Variants in C5orf47 observed in about 807,000 individuals in gnomAD.
C5orf47 encodes chromosome 5 open reading frame 47, also known as uncharacterized protein C5orf47.
In C5orf47, 20 loss-of-function variants were observed where a neutral mutation model predicts 20.6. That is an observed-to-expected ratio of 0.97 (90% CI 0.68 to 1.41). C5orf47 has a LOEUF of 1.41. Ranked by LOEUF, C5orf47 falls within the 40% of genes most tolerant of loss-of-function variation. The pLI is 0.00. For missense variants in C5orf47, 262 were observed against 238.4 expected (o/e 1.10, Z -0.65); for synonymous variants, 106 against 97.3 (o/e 1.09, Z -0.53).
chr5:173,994,816 T>C (rs962990498), intron 1 of C5orf47, among the ~76,000 whole-genome samples: 8 of 152,192 alleles, frequency 5.3e-5, no homozygotes, highest in Admixed American at 5.2e-4. Context: ...TTAATGTTTG[T>C]TTTTGTTTTT....
chr5:174,000,519 C>A (rs1759176882), intron 3 of C5orf47, among the ~76,000 whole-genome samples: 1 of 152,084 alleles, frequency 6.6e-6, no homozygotes, highest in Non-Finnish European at 1.5e-5. Context: ...TTCTTTCCTG[C>A]ACATGCTATC....
rs1004776910 is a variant in C5orf47 at position 173,989,329 on chromosome 5, C to T, written c.66C>T (p.Gly22=). Residue 22 remains glycine, a synonymous_variant, in exon 1 of 5, where the codon GGC becomes GGT. Coordinates refer to ENST00000340147, the MANE Select transcript of C5orf47 (RefSeq NM_001144954.2). ...SARFVYVTRF[G]SHQCSGVLQL... The stretch of plus-strand genomic sequence containing the variant: ...GCTTCGTCTATGTGACGCGCTTCGG[C>T]TCGCATCAGTGCAGTGGCGTCCTGC... The T allele has an allele frequency of 6.3e-6, 9 of 1,429,696 alleles. No individual in the cohort carries two copies. Among genetic ancestry groups the T allele is most frequent in the African/African-American group, 6.0e-5 (4 of 67,134 alleles). The allele number at this position is 1,429,696 out of a possible 1,614,324, so 88.6% of individuals were successfully genotyped here.
chr5:173,994,462 A>G (rs908882556), intron 1 of C5orf47, among the ~76,000 whole-genome samples: 1 of 152,132 alleles, frequency 6.6e-6, no homozygotes, highest in Non-Finnish European at 1.5e-5. Flanking sequence ...CTCTGCCACA[A>G]AGGAGTTGGT....
chr5:173,992,811 A>G (rs909884511), intron 1 of C5orf47, among the ~76,000 whole-genome samples: 11 of 152,166 alleles, frequency 7.2e-5, no homozygotes, highest in African/African-American at 2.7e-4. Context: ...ATCAGAGAGT[A>G]TTGTTTGTGA....
At chr5:173,997,732 A>G (rs931080824) in intron 1 of C5orf47, among the ~76,000 whole-genome samples, 50 of 151,624 alleles carry the variant, frequency 3.3e-4, no homozygotes, top group African/African-American at 1.2e-3. Context: ...GTGTGTGCTG[A>G]AAGTGTTAGA....
In C5orf47 at chr5:174,005,663, A is replaced by G. The variant is rs1202554848; in HGVS notation, c.*1409A>G. The stretch of plus-strand genomic sequence containing the variant: ...GCTTATGCAACTGAAGTCCATTGCA[A>G]AATGAGACATATTTACACTGTTTAT... On this transcript the variant is annotated 3_prime_UTR_variant, in exon 5 of 5. Transcript: ENST00000340147. 1 of 152,386 alleles carries G rather than the reference A, an allele frequency of 6.6e-6. No homozygotes were observed. The highest frequency in any genetic ancestry group is 1.5e-5 in the Non-Finnish European group (1 of 68,042). The allele number at this position is 152,386 out of a possible 1,614,324, so 9.4% of individuals were successfully genotyped here.
In C5orf47 at chr5:174,005,195, C is replaced by T. The variant is rs1275606025; in HGVS notation, c.*941C>T. The stretch of plus-strand genomic sequence containing the variant: ...CAAATTCTGTGTACTCTAGTTGCTT[C>T]TTTCCCTTGGAGTGACAGGTACTTT... On this transcript the variant is annotated 3_prime_UTR_variant, in exon 5 of 5. Coordinates refer to ENST00000340147, the MANE Select transcript of C5orf47 (RefSeq NM_001144954.2). 1.3e-5 allele frequency: 2 copies of T among 152,162 alleles called. No individual in the cohort carries two copies. Among genetic ancestry groups the T allele is most frequent in the Non-Finnish European group, 2.9e-5 (2 of 68,020 alleles). 9.4% of individuals were successfully genotyped at this position (152,162 alleles called of 1,614,324 possible).
intron 1 of C5orf47, among the ~76,000 whole-genome samples, chr5:173,991,590 T>G (rs2113357692): frequency 6.6e-6 from 1 of 152,252 alleles, no homozygotes; most frequent in East Asian, 1.9e-4. Flanking sequence ...TTCTTTAGAT[T>G]TGTTTATTAA....
intron 4 of C5orf47, among the ~76,000 whole-genome samples, chr5:174,001,958 CT>C (rs375423569): frequency 3.7e-4 from 50 of 133,436 alleles, no homozygotes; most frequent in East Asian, 6.5e-4. Context: ...TTTTTTTTTT[CT>C]TTTTTTTTTT....
rs547738301 is a variant in C5orf47, at chr5:174,004,095, G to T, written c.*17-176G>T. 2.0e-5 allele frequency among the ~76,000 whole-genome samples: 3 copies of T among 152,308 alleles called. No homozygotes were observed. In the South Asian group the frequency reaches 6.2e-4, roughly 32 times the overall value. On this transcript the variant is annotated intron_variant, in intron 4 of 4. Coordinates refer to ENST00000340147, the MANE Select transcript of C5orf47 (RefSeq NM_001144954.2). ...AAAAGAAAAATATGAGTTACATATT[G>T]AGTCTGTTGGAAACTTTTTATGTTC...
downstream of C5orf47, among the ~76,000 whole-genome samples, chr5:174,006,413 A>G (rs1331517732): frequency 6.6e-6 from 1 of 152,214 alleles, no homozygotes; most frequent in Non-Finnish European, 1.5e-5. Context: ...AAGAAGCGTC[A>G]ATACTTCAAA....
At chr5:174,001,573 C>G (rs1225347493) in intron 4 of C5orf47, among the ~76,000 whole-genome samples, 4 of 151,810 alleles carry the variant, frequency 2.6e-5, no homozygotes, top group African/African-American at 7.3e-5. Context: ...TCGTTTATAC[C>G]TCTACTTAGT....
Position 173,989,272 on chromosome 5 carries a change from G to C in C5orf47, c.9G>C (p.Ala3=). ...CGTTGACTGAGGCTGCGATGGCGGC[G>C]GCAGGCCGGGGTCGGGAGCAGGACT... MA[A]AGRGREQDSA... is the part of the protein sequence containing the mutation. The change falls in exon 1 of 5, where the codon GCG becomes GCC. Residue 3 remains alanine (A), a synonymous_variant. Transcript: ENST00000340147. 7.2e-7 allele frequency: 1 copy of C among 1,381,676 alleles called. No homozygotes were observed. Among genetic ancestry groups the C allele is most frequent in the Non-Finnish European group, 9.4e-7 (1 of 1,064,486 alleles). 85.6% of individuals were successfully genotyped at this position (1,381,676 alleles called of 1,614,324 possible).
chr5:173,993,288 G>A (rs1043971233), intron 1 of C5orf47, among the ~76,000 whole-genome samples: 2 of 152,068 alleles, frequency 1.3e-5, no homozygotes, highest in Non-Finnish European at 2.9e-5. Context: ...TGAGGGTGTG[G>A]TTTTTGCTTG....
intron 1 of C5orf47, among the ~76,000 whole-genome samples, chr5:173,995,088 C>T (rs1759065416): frequency 6.6e-6 from 1 of 152,196 alleles, no homozygotes. Context: ...GCTGGGATTA[C>T]AGGCGTGAAC....
chr5:173,991,047 C>T (rs191110810), intron 1 of C5orf47, among the ~76,000 whole-genome samples: 151 of 152,330 alleles, frequency 9.9e-4, no homozygotes, highest in South Asian at 6.8e-3. Context: ...TACGCATAAG[C>T]CCAGCCCTAA....
At chr5:173,995,250 C>T (rs764613490) in intron 1 of C5orf47, among the ~76,000 whole-genome samples, 6 of 152,180 alleles carry the variant, frequency 3.9e-5, no homozygotes, top group Non-Finnish European at 7.3e-5. Flanking sequence ...ACAGATGTAT[C>T]AGACAAGTAG....
Position 174,004,570 on chromosome 5 carries a change from G to C in C5orf47, c.*316G>C, listed in dbSNP as rs931971268. ...ATTAAATTAGCATATCAATGCAATTGCATGAATTTTATAATTACCAGCTTT... is the reference window on the plus strand; with the variant it reads ...ATTAAATTAGCATATCAATGCAATTCCATGAATTTTATAATTACCAGCTTT... On this transcript the variant is annotated 3_prime_UTR_variant, in exon 5 of 5. Coordinates refer to ENST00000340147, the MANE Select transcript of C5orf47 (RefSeq NM_001144954.2). 1.3e-5 allele frequency: 2 copies of C among 152,168 alleles called. No individual in the cohort carries two copies. The highest frequency in any genetic ancestry group is 4.8e-5 in the African/African-American group (2 of 41,414). The allele number at this position is 152,168 out of a possible 1,614,324, so 9.4% of individuals were successfully genotyped here.
In C5orf47 at chr5:174,005,388, C is replaced by T. The variant is rs1759271382; in HGVS notation, c.*1134C>T. ...AAGTAATTCATAGTTTTGTTTTTTC[C>T]TCTAATAGTTGTAACTTAATTACTT... is the stretch of plus-strand genomic sequence containing the variant. On this transcript the variant is annotated 3_prime_UTR_variant, in exon 5 of 5. Coordinates refer to ENST00000340147, the MANE Select transcript of C5orf47 (RefSeq NM_001144954.2). 1 of 152,120 alleles carries T rather than the reference C, an allele frequency of 6.6e-6. No individual in the cohort carries two copies. Among genetic ancestry groups the T allele is most frequent in the Non-Finnish European group, 1.5e-5 (1 of 68,022 alleles). 9.4% of individuals were successfully genotyped at this position (152,120 alleles called of 1,614,324 possible). A position where few individuals can be genotyped will look rare whatever the true frequency, so the allele number is the denominator to read the frequency against.
Sources: allele counts gnomAD v4.1 joint callset (sites outside exome capture counted in the v4.1 genomes callset), GRCh38; gene constraint gnomAD v4.1.1; transcripts MANE v1.5; gene names NCBI Gene and HGNC (gene_info 2026-07-23, HGNC 2026-07-21).